DRGX: variants seen among roughly 807,000 people sequenced by gnomAD.
DRGX encodes dorsal root ganglia homeobox, also known as dorsal root ganglia homeobox protein.
A neutral mutation model predicts 28.6 loss-of-function variants in DRGX; 21 were observed. The observed-to-expected ratio is 0.73, with a 90% confidence interval of 0.52 to 1.06. DRGX has a LOEUF of 1.06. Ranked by LOEUF, DRGX falls within the 50% of genes least tolerant of loss-of-function variation. The pLI, the probability that DRGX is intolerant of heterozygous loss-of-function variation, is 0.00. For synonymous variants in DRGX, 136 were observed against 139.1 expected (o/e 0.98, Z 0.16); for missense variants, 354 against 343.9 (o/e 1.03, Z -0.23).
intron 6 of DRGX, among the ~76,000 whole-genome samples, chr10:49,371,514 A>T (rs1405769864): frequency 6.6e-6 from 1 of 152,072 alleles, no homozygotes; most frequent in African/African-American, 2.4e-5. Flanking sequence ...AAAATTAGCC[A>T]GGTGTGGTGG....
intron 2 of DRGX, among the ~76,000 whole-genome samples, chr10:49,393,785 A>G (rs1363569585): frequency 1.3e-5 from 2 of 152,226 alleles, no homozygotes; most frequent in African/African-American, 4.8e-5. Context: ...GTTATATCAC[A>G]GAGTCAGCAC....
intron 2 of DRGX, among the ~76,000 whole-genome samples, chr10:49,392,935 A>G (rs992624926): frequency 1.3e-5 from 2 of 152,266 alleles, no homozygotes; most frequent in East Asian, 1.9e-4. Context: ...CAGTACAGAT[A>G]TGAGTATCAT....
rs534179580 is a variant in DRGX at position 49,380,130 on chromosome 10, C to T, written c.526+6348G>A. ...CACCTGGGAAGGTCAGCTATGGTGC[C>T]GCCACTTGGCAGGCTGTCCTGCCCA... On this transcript the variant is annotated intron_variant, in intron 6 of 6. Coordinates refer to ENST00000374139, the MANE Select transcript of DRGX (RefSeq NM_001276451.2). 4.6e-5 allele frequency among the ~76,000 whole-genome samples: 7 copies of T among 152,340 alleles called. No individual in the cohort carries two copies. In the East Asian group the frequency reaches 5.8e-4, roughly 13 times the overall value.
chr10:49,391,438 C>G (rs1386818469), intron 2 of DRGX, among the ~76,000 whole-genome samples, 177 bp from the exon 3 acceptor site: 1 of 152,200 alleles, frequency 6.6e-6, no homozygotes, highest in African/African-American at 2.4e-5. Flanking sequence ...GTCCCCAAAA[C>G]CTCTGACTTT....
At chr10:49,374,486 A>G (rs1849697061) in intron 6 of DRGX, among the ~76,000 whole-genome samples, 3 of 152,188 alleles carry the variant, frequency 2.0e-5, no homozygotes, top group South Asian at 2.1e-4. Flanking sequence ...TGCCATCACA[A>G]AAGTCTTTGT....
chr10:49,389,381 G>A (rs1181505691), intron 4 of DRGX, among the ~76,000 whole-genome samples: 1 of 152,056 alleles, frequency 6.6e-6, no homozygotes, highest in Non-Finnish European at 1.5e-5. Context: ...ACATAAAAAA[G>A]AACAGAAACA....
chr10:49,377,983 T>C (rs1849733992), intron 6 of DRGX, among the ~76,000 whole-genome samples: 1 of 152,044 alleles, frequency 6.6e-6, no homozygotes, highest in South Asian at 2.1e-4. Context: ...CAAACCAAAT[T>C]CAGTAATATG....
rs542075689 is a variant in DRGX at position 49,381,398 on chromosome 10, C to A, written c.526+5080G>T. Among the ~76,000 whole-genome samples, 4 of 152,374 alleles carry A rather than the reference C, an allele frequency of 2.6e-5. No individual in the cohort carries two copies. The South Asian group carries it at 8.3e-4, about 32-fold the overall frequency. ...ATCTCCCACAAACCTCCAACCCTTG[C>A]CCGGCTCCCTCTGGCCCGAGCAGCC... On this transcript the variant is annotated intron_variant, in intron 6 of 6. Transcript: ENST00000374139.
At chr10:49,395,042 T>C (rs1286201939) in intron 2 of DRGX, among the ~76,000 whole-genome samples, 1 of 152,186 alleles carries the variant, frequency 6.6e-6, no homozygotes, top group Admixed American at 6.5e-5. Context: ...TCGCCTTTGC[T>C]TTCTGGGATG....
chr10:49,385,648 C>A (rs1199784431), intron 6 of DRGX, among the ~76,000 whole-genome samples: 1 of 152,068 alleles, frequency 6.6e-6, no homozygotes, highest in African/African-American at 2.4e-5. Flanking sequence ...AGACCTCAGG[C>A]GTTAGCAGAA....
chr10:49,364,809 C>T lies in DRGX; in HGVS notation c.*1307G>A, dbSNP rs1849581683. 1 of 152,174 alleles carries T rather than the reference C, an allele frequency of 6.6e-6. No individual in the cohort carries two copies. Among genetic ancestry groups the T allele is most frequent in the Non-Finnish European group, 1.5e-5 (1 of 68,040 alleles). The allele number at this position is 152,174 out of a possible 1,614,324, so 9.4% of individuals were successfully genotyped here. A position where few individuals can be genotyped will look rare whatever the true frequency, so the allele number is the denominator to read the frequency against. ...GGGGACAGGAAATGTGAAAGTAAAA[C>T]ATTTTGACGATAATAACTGAAACCA... On this transcript the variant is annotated 3_prime_UTR_variant, in exon 7 of 7. Transcript: ENST00000374139.
intron 3 of DRGX, 73 bp from the exon 4 acceptor site, chr10:49,390,307 T>C (rs1698056296): frequency 1.5e-6 from 2 of 1,328,748 alleles, no homozygotes; most frequent in East Asian, 2.5e-5. Context: ...ATATTTCAAA[T>C]CTCCTGTGAG....
intron 2 of DRGX, chr10:49,391,854 A>C (rs1404317633): frequency 3.8e-6 from 2 of 525,492 alleles, no homozygotes; most frequent in South Asian, 2.9e-5. Flanking sequence ...ACAGCTCATC[A>C]GCACCATAGT....
chr10:49,391,806 G>A (rs753785755), intron 2 of DRGX: 7 of 513,496 alleles, frequency 1.4e-5, no homozygotes, highest in Non-Finnish European at 2.4e-5. Context: ...ACGTGAGGAG[G>A]TAAGAAGTTT....
intron 4 of DRGX, among the ~76,000 whole-genome samples, chr10:49,387,420 A>G (rs1330665229): frequency 6.6e-6 from 1 of 152,186 alleles, no homozygotes. Flanking sequence ...GGACTTTCGG[A>G]TGCCAAGGTG....
At chr10:49,370,192 G>T (rs1849644096) in intron 6 of DRGX, among the ~76,000 whole-genome samples, 1 of 152,090 alleles carries the variant, frequency 6.6e-6, no homozygotes, top group East Asian at 1.9e-4. Flanking sequence ...ATCACCTGAG[G>T]TCTGGAGTTC....
chr10:49,386,354 C>T, intron 6 of DRGX, 124 bp downstream of exon 6: 1 of 777,734 alleles, frequency 1.3e-6, no homozygotes. Context: ...CTGTGACTGA[C>T]AGGAGGCGAG....
At chr10:49,380,659 C>G (rs969468485) in intron 6 of DRGX, among the ~76,000 whole-genome samples, 2 of 152,140 alleles carry the variant, frequency 1.3e-5, no homozygotes, top group Non-Finnish European at 2.9e-5. Flanking sequence ...CCCCAGGGAG[C>G]CCCAACCAGG....
chr10:49,377,486 C>T (rs909154449), intron 6 of DRGX, among the ~76,000 whole-genome samples: 3 of 152,174 alleles, frequency 2.0e-5, no homozygotes, highest in African/African-American at 7.2e-5. Context: ...GCTGGCCCGG[C>T]GATTGGCTTT....
Sources: allele counts gnomAD v4.1 joint callset (sites outside exome capture counted in the v4.1 genomes callset), GRCh38; gene constraint gnomAD v4.1.1; transcripts MANE v1.5; gene names NCBI Gene and HGNC (gene_info 2026-07-23, HGNC 2026-07-21).